The following TRAP1 variants were observed in gnomAD, a reference collection of about 807,000 sequenced individuals.
TRAP1 encodes heat shock protein 75 kDa, mitochondrial.
A neutral mutation model predicts 89.1 loss-of-function variants in TRAP1; 102 were observed. That is an observed-to-expected ratio of 1.15 (90% CI 0.98 to 1.35). The LOEUF (loss-of-function observed/expected upper bound fraction) is 1.35, where lower values mean the gene tolerates loss of function less well. TRAP1 is among the 40% of genes most tolerant of loss of function. The pLI is 0.00. For missense variants in TRAP1, 1,256 were observed against 945.3 expected, an observed-to-expected ratio of 1.33 and a Z score of -4.31; for synonymous variants, 508 against 388.0, an observed-to-expected ratio of 1.31 and a Z score of -3.64.
chr16:3,679,930 G>A, intron 4 of TRAP1, 140 bp from the exon 5 acceptor site: 3 of 737,830 alleles, frequency 4.1e-6, no homozygotes, highest in Non-Finnish European at 2.3e-6. Flanking sequence ...ATGCTCATCA[G>A]AAAAGACTAA....
intron 3 of TRAP1, 146 bp from the exon 4 acceptor site, chr16:3,686,282 G>C: frequency 1.0e-6 from 1 of 996,568 alleles, no homozygotes; most frequent in Non-Finnish European, 1.4e-6. Flanking sequence ...TTTAGTCAAA[G>C]GCAGTTCCTC....
At chr16:3,702,757 A>T (rs897343475) in intron 1 of TRAP1, among the ~76,000 whole-genome samples, 5 of 151,550 alleles carry the variant, frequency 3.3e-5, no homozygotes, top group African/African-American at 4.9e-5. Flanking sequence ...AGAGAAATTT[A>T]AAAAGCTGGG....
intron 1 of TRAP1, among the ~76,000 whole-genome samples, chr16:3,716,374 G>C (rs1312953478): frequency 2.0e-5 from 3 of 152,174 alleles, no homozygotes; most frequent in Non-Finnish European, 2.9e-5. Context: ...AATACCGCAC[G>C]TGAACAAATA....
intron 1 of TRAP1, among the ~76,000 whole-genome samples, chr16:3,715,305 G>A (rs2051583229): frequency 6.6e-6 from 1 of 152,098 alleles, no homozygotes; most frequent in African/African-American, 2.4e-5. Flanking sequence ...AGGCATGGTG[G>A]TGGGCGCCTA....
intron 1 of TRAP1, among the ~76,000 whole-genome samples, chr16:3,700,082 G>C (rs1366657859): frequency 6.6e-6 from 1 of 152,088 alleles, no homozygotes; most frequent in African/African-American, 2.4e-5. Context: ...GCAGGAAAAA[G>C]CTTGTATTTC....
intron 1 of TRAP1, among the ~76,000 whole-genome samples, chr16:3,706,553 G>T (rs954254018): frequency 1.9e-4 from 27 of 145,022 alleles, no homozygotes; most frequent in African/African-American, 6.7e-4. Context: ...TCAAACTCCT[G>T]GGCTCGAGCA....
intron 8 of TRAP1, chr16:3,674,757 G>A: frequency 1.9e-6 from 1 of 530,278 alleles, no homozygotes; most frequent in South Asian, 2.1e-5. Context: ...GCCTGTGGGA[G>A]AGGATGACGC....
intron 3 of TRAP1, among the ~76,000 whole-genome samples, chr16:3,686,828 G>T (rs1443861775): frequency 1.3e-5 from 2 of 152,032 alleles, no homozygotes; most frequent in Admixed American, 6.6e-5. Context: ...AAAATTAGCT[G>T]GGCGTGATGG....
chr16:3,677,390 G>GC, intron 6 of TRAP1, 108 bp downstream of exon 6: 1 of 1,434,094 alleles, frequency 7.0e-7, no homozygotes, highest in Non-Finnish European at 9.6e-7. Flanking sequence ...CATATAAAAA[G>GC]CCCAGAAAAT....
intron 5 of TRAP1, 196 bp from the exon 6 acceptor site, chr16:3,677,854 G>A: frequency 1.0e-5 from 6 of 598,964 alleles, no homozygotes; most frequent in Non-Finnish European, 1.7e-5. Flanking sequence ...ACAACCAGCT[G>A]GCAGCAGTGG....
chr16:3,662,993 C>A lies in TRAP1; in HGVS notation c.1709-26G>T, dbSNP rs201686158. On this transcript the variant is annotated intron_variant, in intron 14 of 17. Transcript: ENST00000246957. ...CTGCGGAAGAGCAGGCGACAGGGAG[C>A]TCAGGCCTGCATCCCAACTCCCCGG... The A allele has an allele frequency of 6.4e-4, 1,004 of 1,562,394 alleles. 7 individuals are homozygous for A. The Admixed American group carries it at 0.011, about 17-fold the overall frequency.
In TRAP1 at chr16:3,669,009, G is replaced by A. The variant is rs1033941087; in HGVS notation, c.1235+2713C>T. Among the ~76,000 whole-genome samples, 8 of 152,296 alleles carry A rather than the reference G, an allele frequency of 5.3e-5. No individual in the cohort carries two copies. In the East Asian group the frequency reaches 7.7e-4, roughly 15 times the overall value. ...GTGAGCTTCCCAGATGAGGCCAGAC[G>A]TGTCCTCAGTTCAGTGGGTGTCCTT... On this transcript the variant is annotated intron_variant, in intron 11 of 17. Coordinates refer to ENST00000246957, the MANE Select transcript of TRAP1 (RefSeq NM_016292.3).
In TRAP1 at chr16:3,717,369, C is replaced by A. The variant is rs2051611587; in HGVS notation, c.88+52G>T. 2.0e-5 allele frequency: 15 copies of A among 733,950 alleles called. No homozygotes were observed. In the South Asian group the frequency reaches 7.4e-4, roughly 36 times the overall value. The allele number at this position is 733,950 out of a possible 1,614,324, so 45.5% of individuals were successfully genotyped here. ...TCCCCGGAGCACAGGGACGTCCCTG[C>A]CGTCTCCGTGGCCCGGCCCGCCCGC... On this transcript the variant is annotated intron_variant, in intron 1 of 17. Transcript: ENST00000246957.
At chr16:3,672,916 A>C (rs1596710494) in intron 9 of TRAP1, 96 bp from the exon 10 acceptor site, 1 of 1,455,844 alleles carries the variant, frequency 6.9e-7, no homozygotes, top group Non-Finnish European at 9.1e-7. Context: ...TCCAGAGCCC[A>C]CTCCCGCCTC....
At chr16:3,663,600 G>A in intron 13 of TRAP1, 38 bp from the exon 14 acceptor site, 4 of 1,610,966 alleles carry the variant, frequency 2.5e-6, no homozygotes, top group South Asian at 2.2e-5. Flanking sequence ...AGACCCCGGG[G>A]GCCTCCAGCC....
chr16:3,716,766 CTGTTT>C (rs1483354776), intron 1 of TRAP1, among the ~76,000 whole-genome samples: 6 of 152,222 alleles, frequency 3.9e-5, no homozygotes, highest in Non-Finnish European at 7.3e-5. Flanking sequence ...GTCGTTCTCT[CTGTTT>C]TACAAACATT....
At chr16:3,717,302 G>A (rs773204978) in intron 1 of TRAP1, 119 bp downstream of exon 1, 2 of 376,960 alleles carry the variant, frequency 5.3e-6, no homozygotes, top group Non-Finnish European at 9.1e-6. Flanking sequence ...GCTTGGCCTC[G>A]CCGGACCTCC....
chr16:3,695,549 AAAG>A (rs1457733649), intron 1 of TRAP1, among the ~76,000 whole-genome samples: 23 of 151,346 alleles, frequency 1.5e-4, no homozygotes, highest in African/African-American at 5.6e-4. Context: ...AAAAAAAAAA[AAAG>A]AAAAGAAAAA....
Position 3,662,027 on chromosome 16 carries a change from G to A in TRAP1, c.1900C>T (p.Arg634Cys), listed in dbSNP as rs775520077. 1.9e-5 allele frequency: 31 copies of A among 1,612,840 alleles called. No individual in the cohort carries two copies. Among genetic ancestry groups the A allele is most frequent in the Admixed American group, 8.3e-5 (5 of 59,972 alleles). Residue 634 changes from arginine to cysteine, a missense_variant, in exon 16 of 18, where the codon CGC (arginine) becomes TGC (cysteine). Coordinates refer to ENST00000246957, the MANE Select transcript of TRAP1 (RefSeq NM_016292.3). ...MQQLAKTQEERAQLLQPTLEI... is the reference protein window; with the variant it reads ...MQQLAKTQEECAQLLQPTLEI... ...AGCGTGGGCTGCAGGAGCTGTGCGCGCTCCTCCTGGGTCTTGGCCAGCTGC... is the reference window on the plus strand; with the variant it reads ...AGCGTGGGCTGCAGGAGCTGTGCGCACTCCTCCTGGGTCTTGGCCAGCTGC...
Sources: gnomAD v4.1 joint callset for allele counts (sites outside exome capture counted in the v4.1 genomes callset) on GRCh38, gnomAD v4.1.1 for gene constraint, MANE v1.5 for transcripts, NCBI Gene and HGNC (gene_info 2026-07-23, HGNC 2026-07-21) for gene names.